Variants in ETS1 observed in about 807,000 individuals in gnomAD.
ETS1 encodes the protein ETS proto-oncogene 1, transcription factor.
In ETS1, 15 loss-of-function variants were observed where a neutral mutation model predicts 58.6. The ratio of observed to expected loss-of-function variants is 0.26; its 90% confidence interval spans 0.17 to 0.39. The LOEUF (loss-of-function observed/expected upper bound fraction) is 0.39. ETS1 is among the 10% of genes least tolerant of loss of function. ETS1 has a pLI of 1.00. For missense variants in ETS1, 417 were observed against 610.5 expected (o/e 0.68, Z 3.34); for synonymous variants, 214 against 218.2 (o/e 0.98, Z 0.17).
At chr11:128,534,363 A>T (rs1295756964) in intron 3 of ETS1, among the ~76,000 whole-genome samples, 4 of 152,222 alleles carry the variant, frequency 2.6e-5, no homozygotes, top group Admixed American at 6.5e-5. Flanking sequence ...TAAGTTTTCC[A>T]TGAAATGCTC....
chr11:128,568,361 C>T (rs1864549199), intron 2 of ETS1, among the ~76,000 whole-genome samples: 2 of 152,210 alleles, frequency 1.3e-5, no homozygotes, highest in South Asian at 2.1e-4. Flanking sequence ...GGGAGAATGA[C>T]GCATGAGAGG....
intron 3 of ETS1, among the ~76,000 whole-genome samples, chr11:128,523,106 C>T (rs889935718): frequency 6.6e-6 from 1 of 152,162 alleles, no homozygotes; most frequent in East Asian, 1.9e-4. Context: ...TCACCATTGG[C>T]CAAAGCTTTG....
At chr11:128,468,158 C>A (rs189920900) in intron 8 of ETS1, among the ~76,000 whole-genome samples, 4 of 152,188 alleles carry the variant, frequency 2.6e-5, no homozygotes, top group African/African-American at 7.2e-5. Flanking sequence ...ATGTTCACCC[C>A]CTAAGGGGAC....
At chr11:128,471,750 C>T (rs1862193418) in intron 8 of ETS1, among the ~76,000 whole-genome samples, 1 of 152,136 alleles carries the variant, frequency 6.6e-6, no homozygotes, top group Non-Finnish European at 1.5e-5. Context: ...GAAAAATCTT[C>T]CTAAGTGTGT....
intron 3 of ETS1, among the ~76,000 whole-genome samples, chr11:128,544,340 A>ATATATATATATAT (rs71472068): frequency 6.8e-5 from 8 of 117,062 alleles, no homozygotes; most frequent in African/African-American, 2.6e-4. Context: ...ATTGTTTACT[A>ATATATATATATAT]ATATATATAT....
chr11:128,485,135 C>G, intron 6 of ETS1, 64 bp from the exon 7 acceptor site: 1 of 1,461,948 alleles, frequency 6.8e-7, no homozygotes, highest in Non-Finnish European at 9.4e-7. Context: ...GCAGTTTTCA[C>G]CATCTACAGG....
chr11:128,579,955 A>T (rs964021521), intron 1 of ETS1, among the ~76,000 whole-genome samples: 42 of 151,890 alleles, frequency 2.8e-4, no homozygotes, highest in African/African-American at 9.4e-4. Flanking sequence ...ACGGTGTAAC[A>T]AAGTTCATGA....
intron 7 of ETS1, among the ~76,000 whole-genome samples, chr11:128,480,777 G>A (rs1413574927): frequency 6.6e-6 from 1 of 152,154 alleles, no homozygotes; most frequent in African/African-American, 2.4e-5. Context: ...CAGAAATCTA[G>A]AAGCTGAGGA....
chr11:128,582,409 A>G (rs146593208), intron 1 of ETS1, among the ~76,000 whole-genome samples: 3 of 152,354 alleles, frequency 2.0e-5, no homozygotes, highest in East Asian at 1.9e-4. Context: ...TCAATAAATA[A>G]TAATTGTTAT....
At chr11:128,536,879 C>A (rs2135537702) in intron 3 of ETS1, 1 of 152,298 alleles carries the variant, frequency 6.6e-6, no homozygotes, top group South Asian at 2.1e-4. Flanking sequence ...ATGTGTCAAA[C>A]TTCAGAAGTA....
intron 1 of ETS1, among the ~76,000 whole-genome samples, chr11:128,582,726 T>C (rs1565419685): frequency 6.6e-6 from 1 of 152,172 alleles, no homozygotes; most frequent in African/African-American, 2.4e-5. Flanking sequence ...GTTTGTACCA[T>C]TGTTATGCAT....
chr11:128,522,559 G>A, intron 3 of ETS1: 1 of 170,622 alleles, frequency 5.9e-6, no homozygotes, highest in Non-Finnish European at 1.2e-5. Context: ...CCGCGACCGC[G>A]GAGGAGCAGT....
At chr11:128,523,488 T>C (rs1327303660) in intron 3 of ETS1, among the ~76,000 whole-genome samples, 1 of 152,252 alleles carries the variant, frequency 6.6e-6, no homozygotes, top group Non-Finnish European at 1.5e-5. Flanking sequence ...CAGAGAAAGC[T>C]ATTTTTAATG....
At chr11:128,483,322 GATGCA>G (rs974553075) in intron 7 of ETS1, among the ~76,000 whole-genome samples, 1 of 152,182 alleles carries the variant, frequency 6.6e-6, no homozygotes, top group Non-Finnish European at 1.5e-5. Flanking sequence ...TGCAAAGCCA[GATGCA>G]ATTTCAAAAC....
At chr11:128,553,778 C>T (rs1053833629) in intron 3 of ETS1, among the ~76,000 whole-genome samples, 12 of 151,992 alleles carry the variant, frequency 7.9e-5, no homozygotes, top group Non-Finnish European at 1.8e-4. Context: ...CTTGATGGCC[C>T]CTCCTGTCAG....
chr11:128,564,555 G>C lies in ETS1; in HGVS notation c.70-8120C>G, dbSNP rs572717104. On this transcript the variant is annotated intron_variant, in intron 2 of 9. Coordinates refer to ENST00000392668, the MANE Select transcript of ETS1 (RefSeq NM_001143820.2). The stretch of plus-strand genomic sequence containing the variant: ...ACAACTCATACCAGCCTGAGACCAG[G>C]ACAGCCTCCACTCACAGCCAACACT... Among the ~76,000 whole-genome samples, 124 of 152,252 alleles carry C rather than the reference G, an allele frequency of 8.1e-4. 1 individual carries two copies. The Middle Eastern group carries it at 0.014, about 17-fold the overall frequency.
At chr11:128,540,481 C>G (rs188466129) in intron 3 of ETS1, among the ~76,000 whole-genome samples, 6 of 151,348 alleles carry the variant, frequency 4.0e-5, no homozygotes, top group Non-Finnish European at 8.8e-5. Context: ...CTCAATAAAC[C>G]GTTTAAAAAA....
At chr11:128,524,705 C>T (rs1303226727) in intron 3 of ETS1, among the ~76,000 whole-genome samples, 1 of 152,140 alleles carries the variant, frequency 6.6e-6, no homozygotes, top group Non-Finnish European at 1.5e-5. Flanking sequence ...ACATTGATGC[C>T]TAGCCTAGTG....
In ETS1 at chr11:128,474,670, C is replaced by T. The variant is rs141549486; in HGVS notation, c.1123+5521G>A. 1.1e-3 allele frequency among the ~76,000 whole-genome samples: 162 copies of T among 152,298 alleles called. 1 individual carries two copies. Among genetic ancestry groups the T allele is most frequent in the Middle Eastern group, 3.4e-3 (1 of 294 alleles). ...AGATCCCCAGGTCCACGCCAGGCAC[C>T]CCTTTAGGATCCACTGCTAAACCCA... On this transcript the variant is annotated intron_variant, in intron 8 of 9. Transcript: ENST00000392668.
Sources: allele counts gnomAD v4.1 joint callset (sites outside exome capture counted in the v4.1 genomes callset), GRCh38; gene constraint gnomAD v4.1.1; transcripts MANE v1.5; gene names NCBI Gene and HGNC (gene_info 2026-07-23, HGNC 2026-07-21).